Variants in RBFOX1 observed in about 807,000 individuals in gnomAD.
RBFOX1 encodes the protein RNA binding protein fox-1 homolog 1.
RBFOX1 carries 8 observed loss-of-function variants against 57.7 expected under a neutral mutation model. That is an observed-to-expected ratio of 0.14 (90% CI 0.08 to 0.25). RBFOX1 has a LOEUF of 0.25. RBFOX1 is among the 10% of genes least tolerant of loss of function. The pLI, the probability that RBFOX1 is intolerant of heterozygous loss-of-function variation, is 1.00. For synonymous variants in RBFOX1, 326 were observed against 222.4 expected, an observed-to-expected ratio of 1.47 and a Z score of -4.15; for missense variants, 611 against 548.5, an observed-to-expected ratio of 1.11 and a Z score of -1.14.
chr16:6,619,868 C>G (rs12917887), intron 2 of RBFOX1, among the ~76,000 whole-genome samples: 8,168 of 152,110 alleles, frequency 0.054, 312 homozygotes, highest in Non-Finnish European at 0.077. Context: ...CCACCCTCCA[C>G]CCTACAATAG....
At chr16:5,632,895 ACAACCCAGGT>A (rs2048561201) in intron 3 of RBFOX1, among the ~76,000 whole-genome samples, 1 of 150,998 alleles carries the variant, frequency 6.6e-6, no homozygotes, top group South Asian at 2.1e-4. Flanking sequence ...GGCTGGGAAC[ACAACCCAGGT>A]CACCTGATTC....
At chr16:6,398,225 G>A (rs1003776580) in intron 2 of RBFOX1, among the ~76,000 whole-genome samples, 4 of 152,066 alleles carry the variant, frequency 2.6e-5, no homozygotes, top group African/African-American at 4.8e-5. Flanking sequence ...ACTTCCCACC[G>A]GGTTTCTCCC....
At chr16:7,187,967 G>C (rs2084343798) in intron 4 of RBFOX1, among the ~76,000 whole-genome samples, 1 of 152,188 alleles carries the variant, frequency 6.6e-6, no homozygotes, top group Non-Finnish European at 1.5e-5. Context: ...CTCACAGAGA[G>C]AACAAATCTC....
At chr16:5,573,808 G>C (rs372175016) in intron 2 of RBFOX1, among the ~76,000 whole-genome samples, 5 of 152,166 alleles carry the variant, frequency 3.3e-5, no homozygotes, top group Non-Finnish European at 5.9e-5. Context: ...CAAAAAATAG[G>C]CTGGGTGTGG....
At chr16:6,822,263 C>A (rs1198829064) in intron 3 of RBFOX1, among the ~76,000 whole-genome samples, 1 of 152,068 alleles carries the variant, frequency 6.6e-6, no homozygotes, top group African/African-American at 2.4e-5. Context: ...GCTCAGTAGT[C>A]CCACTTTCTG....
intron 4 of RBFOX1, among the ~76,000 whole-genome samples, chr16:7,516,273 G>A (rs1181071768): frequency 2.6e-5 from 4 of 152,026 alleles, no homozygotes; most frequent in Admixed American, 6.6e-5. Flanking sequence ...GTGTGACTAG[G>A]GCTTAACGCA....
At chr16:7,662,303 TCTC>T (rs1414404455) in intron 12 of RBFOX1, among the ~76,000 whole-genome samples, 3 of 152,184 alleles carry the variant, frequency 2.0e-5, no homozygotes, top group Non-Finnish European at 2.9e-5. Context: ...CTTGCCCTGG[TCTC>T]CTAATTCAGG....
chr16:6,507,521 A>AAAAT (rs2096134122), intron 2 of RBFOX1, among the ~76,000 whole-genome samples: 4 of 151,278 alleles, frequency 2.6e-5, no homozygotes, highest in African/African-American at 7.3e-5. Context: ...AAAAAAAAAA[A>AAAAT]AAAAGCCTGG....
At chr16:6,687,038 C>G (rs957615401) in intron 3 of RBFOX1, among the ~76,000 whole-genome samples, 1 of 152,160 alleles carries the variant, frequency 6.6e-6, no homozygotes, top group Non-Finnish European at 1.5e-5. Flanking sequence ...TTTCAGAAAT[C>G]TTTGCAGTGT....
At chr16:6,587,156 A>G (rs2097638975) in intron 2 of RBFOX1, among the ~76,000 whole-genome samples, 1 of 151,998 alleles carries the variant, frequency 6.6e-6, no homozygotes. Flanking sequence ...AATTTTTTTT[A>G]TCCATTGACT....
intron 1 of RBFOX1, among the ~76,000 whole-genome samples, chr16:6,296,768 A>C (rs1414326217): frequency 6.6e-6 from 1 of 152,188 alleles, no homozygotes; most frequent in Non-Finnish European, 1.5e-5. Flanking sequence ...GTTAGTGATC[A>C]GATCCACATG....
At chr16:6,320,674 A>G (rs1442089454) in intron 2 of RBFOX1, among the ~76,000 whole-genome samples, 2 of 152,126 alleles carry the variant, frequency 1.3e-5, no homozygotes, top group African/African-American at 4.8e-5. Flanking sequence ...GCTGTTCAAT[A>G]TGGTTACCAG....
chr16:5,608,811 C>G (rs1286700931), intron 3 of RBFOX1, among the ~76,000 whole-genome samples: 1 of 152,086 alleles, frequency 6.6e-6, no homozygotes, highest in Non-Finnish European at 1.5e-5. Context: ...TAATTTTGAG[C>G]CCAGATCATT....
chr16:6,912,605 G>GTA (rs1441041125), intron 3 of RBFOX1, among the ~76,000 whole-genome samples: 14 of 136,624 alleles, frequency 1.0e-4, no homozygotes, highest in African/African-American at 3.8e-4. Flanking sequence ...TTCTTTTCTT[G>GTA]TGTGTGTGTG....
Position 6,476,599 on chromosome 16 carries a change from T to C in RBFOX1, c.-64+159542T>C, listed in dbSNP as rs77036394. ...ACAATCATCTGAGCCTTTAATGAGT[T>C]CTAATCTTTTTGCTGGTGGAGGGTC... On this transcript the variant is annotated intron_variant, in intron 2 of 15. Coordinates refer to ENST00000550418, the MANE Select transcript of RBFOX1 (RefSeq NM_018723.4). 7.2e-3 allele frequency among the ~76,000 whole-genome samples: 1,099 copies of C among 152,314 alleles called. 12 individuals are homozygous for C. Among genetic ancestry groups the C allele is most frequent in the Middle Eastern group, 0.027 (8 of 294 alleles).
Position 6,461,560 on chromosome 16 carries a change from T to A in RBFOX1, c.-64+144503T>A, listed in dbSNP as rs184336660. Among the ~76,000 whole-genome samples the A allele has an allele frequency of 5.9e-5, 9 of 152,348 alleles. No homozygotes were observed. The Middle Eastern group carries it at 0.01, about 173-fold the overall frequency. On this transcript the variant is annotated intron_variant, in intron 2 of 15. Transcript: ENST00000550418. Reference sequence around the variant, plus strand: ...TCAACTAATCCAACCATAACACTTGTGTGGCTGGATAAAACAGAAATGTTT... The same window carrying A: ...TCAACTAATCCAACCATAACACTTGAGTGGCTGGATAAAACAGAAATGTTT...
chr16:7,651,806 C>G (rs1415563740), intron 11 of RBFOX1, among the ~76,000 whole-genome samples: 2 of 152,212 alleles, frequency 1.3e-5, no homozygotes, highest in East Asian at 1.9e-4. Context: ...TGCTGTGGCT[C>G]TCCTGGGACA....
chr16:6,160,334 T>G (rs2096868853), intron 1 of RBFOX1, among the ~76,000 whole-genome samples: 1 of 152,194 alleles, frequency 6.6e-6, no homozygotes, highest in Non-Finnish European at 1.5e-5. Context: ...AGTAAAGTGG[T>G]TATGATAGAG....
Position 6,498,151 on chromosome 16 carries a change from C to T in RBFOX1, c.-63-156452C>T, listed in dbSNP as rs1055086204. 2.6e-5 allele frequency among the ~76,000 whole-genome samples: 4 copies of T among 151,282 alleles called. No homozygotes were observed. In the Admixed American group the frequency reaches 2.6e-4, roughly 10 times the overall value. On this transcript the variant is annotated intron_variant, in intron 2 of 15. Transcript: ENST00000550418. ...CCTGTAGTCCCAGCTACCTGGAAGGCTGAGGCACGAGAATCACTACTACCT... is the reference window on the plus strand; with the variant it reads ...CCTGTAGTCCCAGCTACCTGGAAGGTTGAGGCACGAGAATCACTACTACCT...
Sources: gnomAD v4.1 joint callset for allele counts (sites outside exome capture counted in the v4.1 genomes callset) on GRCh38, gnomAD v4.1.1 for gene constraint, MANE v1.5 for transcripts, NCBI Gene and HGNC (gene_info 2026-07-23, HGNC 2026-07-21) for gene names.